Variants in MCPH1 observed in about 807,000 individuals in gnomAD.
The protein encoded by MCPH1 is microcephalin 1, also known as microcephalin.
In MCPH1, 104 loss-of-function variants were observed where a neutral mutation model predicts 84.5. The observed-to-expected ratio is 1.23, with a 90% CI of 1.05 to 1.45. MCPH1 has a LOEUF of 1.45. MCPH1 is among the 40% of genes most tolerant of loss of function. The probability of loss-of-function intolerance (pLI) is 0.00; values close to 1 mark genes in which losing one functional copy is unlikely to be tolerated. For synonymous variants in MCPH1, 514 were observed against 366.8 expected, an observed-to-expected ratio of 1.40 and a Z score of -4.58; for missense variants, 1,498 against 1,005.7, an observed-to-expected ratio of 1.49 and a Z score of -6.62.
chr8:6,544,545 G>C (rs1822194274), intron 12 of MCPH1, among the ~76,000 whole-genome samples: 1 of 152,182 alleles, frequency 6.6e-6, no homozygotes, highest in Non-Finnish European at 1.5e-5. Flanking sequence ...TTTTCGGAGA[G>C]AGTTTGTCGA....
At chr8:6,468,622 A>G (rs1229396688) in intron 9 of MCPH1, among the ~76,000 whole-genome samples, 1 of 149,996 alleles carries the variant, frequency 6.7e-6, no homozygotes, top group Admixed American at 6.6e-5. Flanking sequence ...CTAATGATGA[A>G]CTACTTGGAT....
At chr8:6,519,620 C>T (rs2515437) in intron 12 of MCPH1, among the ~76,000 whole-genome samples, 6 of 152,250 alleles carry the variant, frequency 3.9e-5, no homozygotes, top group Non-Finnish European at 5.9e-5. Context: ...GAATGTATTT[C>T]TTGCCGAAGA....
intron 12 of MCPH1, among the ~76,000 whole-genome samples, chr8:6,572,557 A>C (rs1826746691): frequency 6.6e-6 from 1 of 152,262 alleles, no homozygotes; most frequent in African/African-American, 2.4e-5. Context: ...GCAAAAGCAC[A>C]TCACACCATA....
At chr8:6,621,740 C>CA (rs768247294) in intron 13 of MCPH1, 49 bp downstream of exon 13, 2 of 1,612,840 alleles carry the variant, frequency 1.2e-6, no homozygotes, top group South Asian at 2.2e-5. Context: ...GATCTGTGGA[C>CA]AGGTTTCCAG....
At chr8:6,586,119 C>G (rs114015405) in intron 12 of MCPH1, among the ~76,000 whole-genome samples, 1,680 of 152,210 alleles carry the variant, frequency 0.011, 32 homozygotes, top group African/African-American at 0.039. Context: ...TGCCACCATG[C>G]CCACGCTTTC....
At chr8:6,525,094 A>G (rs1563344475) in intron 12 of MCPH1, among the ~76,000 whole-genome samples, 1 of 152,226 alleles carries the variant, frequency 6.6e-6, no homozygotes, top group Non-Finnish European at 1.5e-5. Flanking sequence ...TTTTTTTGAC[A>G]GTAACATTTT....
At chr8:6,477,130 G>A (rs1428994924) in intron 9 of MCPH1, 3 of 156,212 alleles carry the variant, frequency 1.9e-5, no homozygotes, top group African/African-American at 7.2e-5. Flanking sequence ...CCATGCTTCT[G>A]TATGTGGGGG....
At chr8:6,466,834 C>T (rs1563248908) in intron 9 of MCPH1, among the ~76,000 whole-genome samples, 2 of 152,102 alleles carry the variant, frequency 1.3e-5, no homozygotes, top group African/African-American at 4.8e-5. Flanking sequence ...CCTTGGCCTT[C>T]CAAAGTGCTG....
chr8:6,566,771 G>A (rs1450634173), intron 12 of MCPH1, among the ~76,000 whole-genome samples: 1 of 150,988 alleles, frequency 6.6e-6, no homozygotes, highest in Non-Finnish European at 1.5e-5. Context: ...TGATTGGCAT[G>A]ACCATCGACA....
intron 12 of MCPH1, among the ~76,000 whole-genome samples, chr8:6,576,349 T>C (rs981067194): frequency 6.6e-6 from 1 of 152,066 alleles, no homozygotes; most frequent in African/African-American, 2.4e-5. Flanking sequence ...CTCCAGCACT[T>C]AGGCACTTAT....
chr8:6,505,619 A>G (rs1468840307), intron 12 of MCPH1, among the ~76,000 whole-genome samples: 6 of 128,402 alleles, frequency 4.7e-5, no homozygotes, highest in African/African-American at 1.7e-4. Flanking sequence ...TTCTTTATAT[A>G]TTTATATATG....
chr8:6,549,224 A>G (rs12114571), intron 12 of MCPH1, among the ~76,000 whole-genome samples: 2,613 of 152,338 alleles, frequency 0.017, 79 homozygotes, highest in African/African-American at 0.06. Flanking sequence ...GTCAATCTAC[A>G]GCAGTACCAT....
intron 13 of MCPH1, 96 bp downstream of exon 13, chr8:6,621,787 G>T: frequency 6.5e-7 from 1 of 1,544,190 alleles, no homozygotes; most frequent in Non-Finnish European, 8.9e-7. Context: ...CTTCCACGCA[G>T]CTGGGGCACC....
At chr8:6,605,773 C>T (rs978987718) in intron 12 of MCPH1, among the ~76,000 whole-genome samples, 1 of 152,208 alleles carries the variant, frequency 6.6e-6, no homozygotes, top group Non-Finnish European at 1.5e-5. Flanking sequence ...TCTCAGCTCA[C>T]TGCAACCTCC....
At chr8:6,582,920 T>C (rs903213402) in intron 12 of MCPH1, among the ~76,000 whole-genome samples, 6 of 152,192 alleles carry the variant, frequency 3.9e-5, no homozygotes, top group African/African-American at 1.2e-4. Context: ...ACTTTTCTTT[T>C]CCATGAAGTC....
chr8:6,463,315 A>T (rs1378593672), intron 9 of MCPH1, among the ~76,000 whole-genome samples: 2 of 152,202 alleles, frequency 1.3e-5, no homozygotes, highest in African/African-American at 2.4e-5. Flanking sequence ...CTCCAGTATC[A>T]TTAGAACCTT....
At chr8:6,429,417 C>G (rs1024146711) in intron 3 of MCPH1, among the ~76,000 whole-genome samples, 2 of 152,108 alleles carry the variant, frequency 1.3e-5, no homozygotes, top group African/African-American at 2.4e-5. Flanking sequence ...CTGCCCCACC[C>G]CAGACTGCTG....
At chr8:6,461,301 A>C (rs1806255678) in intron 9 of MCPH1, among the ~76,000 whole-genome samples, 1 of 143,906 alleles carries the variant, frequency 6.9e-6, no homozygotes, top group Non-Finnish European at 1.5e-5. Flanking sequence ...TATTTTAAAT[A>C]TACTTGTTTC....
At chr8:6,428,338 G>A (rs1209937586) in intron 3 of MCPH1, among the ~76,000 whole-genome samples, 5 of 152,190 alleles carry the variant, frequency 3.3e-5, no homozygotes, top group African/African-American at 1.2e-4. Context: ...GTCGCTAGGC[G>A]ATAGGAATTT....
Sources: allele counts gnomAD v4.1 joint callset (sites outside exome capture counted in the v4.1 genomes callset), GRCh38; gene constraint gnomAD v4.1.1; transcripts MANE v1.5; gene names NCBI Gene and HGNC (gene_info 2026-07-23, HGNC 2026-07-21).